The following TBK1 variants were observed in gnomAD, a reference collection of about 807,000 sequenced individuals.
The protein encoded by TBK1 is TANK binding kinase 1.
TBK1 carries 37 observed loss-of-function variants against 99.9 expected under a neutral mutation model. That is an observed-to-expected ratio of 0.37 (90% CI 0.28 to 0.49). The LOEUF (loss-of-function observed/expected upper bound fraction) is 0.49, where lower values mean the gene tolerates loss of function less well. TBK1 is among the 20% of genes least tolerant of loss of function. The probability of loss-of-function intolerance (pLI) is 0.98; values close to 1 mark genes in which losing one functional copy is unlikely to be tolerated. For missense variants in TBK1, 644 were observed against 872.5 expected (o/e 0.74, Z 3.30); for synonymous variants, 258 against 279.8 (o/e 0.92, Z 0.78).
At chr12:64,460,394 T>TA in intron 3 of TBK1, 65 bp downstream of exon 3, 2 of 1,292,804 alleles carry the variant, frequency 1.5e-6, no homozygotes, top group Non-Finnish European at 2.1e-6. Flanking sequence ...AACCTAATAT[T>TA]AAAAAATGGA....
In TBK1 at chr12:64,474,268, T is replaced by G; in HGVS notation, c.579T>G (p.Asp193Glu). 3.1e-6 allele frequency: 5 copies of G among 1,613,972 alleles called. No individual in the cohort carries two copies. Among genetic ancestry groups the G allele is most frequent in the Non-Finnish European group, 3.4e-6 (4 of 1,179,994 alleles). ...DMYERAVLRK[D>E]HQKKYGATVD... ...ATGAGAGAGCAGTGCTAAGAAAAGA[T>G]CATCAGAAGAAATATGGAGCAACAG... The change falls in exon 6 of 21, where the codon GAT becomes GAG. Residue 193 changes from aspartate to glutamate, a missense_variant. Asp to Glu is a conservative substitution (Grantham distance 45). Transcript: ENST00000331710.
chr12:64,498,076 G>A lies in TBK1; in HGVS notation c.2138+37G>A, dbSNP rs752842048. 7 of 1,535,820 alleles carry A rather than the reference G, an allele frequency of 4.6e-6. No homozygotes were observed. In the African/African-American group the frequency reaches 5.5e-5, roughly 12 times the overall value. ...AAAAATAATTACTGTGATTTTCTGT[G>A]CAATTGAGTTCATTCACATCTGTAC... is the stretch of plus-strand genomic sequence containing the variant. On this transcript the variant is annotated intron_variant, in intron 20 of 20. Transcript: ENST00000331710.
intron 1 of TBK1, 145 bp from the exon 2 acceptor site, chr12:64,455,693 CTT>C (rs1284518059): frequency 1.8e-6 from 1 of 551,298 alleles, no homozygotes; most frequent in African/African-American, 1.9e-5. Flanking sequence ...TACTTTGAAA[CTT>C]AAGATATTTA....
intron 8 of TBK1, 190 bp from the exon 9 acceptor site, chr12:64,484,113 A>T (rs145577034): frequency 4.4e-6 from 2 of 458,916 alleles, no homozygotes; most frequent in African/African-American, 4.0e-5. Context: ...AATACTTTAG[A>T]ATTGCTTACT....
chr12:64,461,944 A>G (rs2040552707), intron 3 of TBK1, among the ~76,000 whole-genome samples: 1 of 152,230 alleles, frequency 6.6e-6, no homozygotes, highest in Non-Finnish European at 1.5e-5. Context: ...TGAGGGACAC[A>G]TTACTCTCTC....
chr12:64,470,416 C>T (rs2040650899), intron 5 of TBK1, among the ~76,000 whole-genome samples: 1 of 152,066 alleles, frequency 6.6e-6, no homozygotes, highest in Non-Finnish European at 1.5e-5. Context: ...ATATGTAATA[C>T]TACTTTGAAT....
intron 2 of TBK1, among the ~76,000 whole-genome samples, chr12:64,458,952 A>G (rs1247933859): frequency 6.6e-6 from 1 of 152,150 alleles, no homozygotes; most frequent in Non-Finnish European, 1.5e-5. Flanking sequence ...ATATATATCA[A>G]TTTGTGTATT....
intron 5 of TBK1, among the ~76,000 whole-genome samples, chr12:64,472,822 G>C (rs561714104): frequency 6.6e-6 from 1 of 152,270 alleles, no homozygotes; most frequent in African/African-American, 2.4e-5. Context: ...TTTTAAGAAA[G>C]TTTATGAATT....
intron 7 of TBK1, among the ~76,000 whole-genome samples, chr12:64,481,072 C>CT (rs1565819232): frequency 6.6e-6 from 1 of 152,070 alleles, no homozygotes; most frequent in Non-Finnish European, 1.5e-5. Context: ...AAAATGAAAT[C>CT]GTCATGTAAC....
chr12:64,488,130 A>G (rs903834978), intron 11 of TBK1, among the ~76,000 whole-genome samples: 1 of 152,238 alleles, frequency 6.6e-6, no homozygotes, highest in Non-Finnish European at 1.5e-5. Context: ...GGTTTAAAGT[A>G]TAAATCAGAC....
Position 64,495,711 on chromosome 12 carries a change from A to G in TBK1, c.1656A>G (p.Leu552=), listed in dbSNP as rs1434247802. 9 of 1,610,508 alleles carry G rather than the reference A, an allele frequency of 5.6e-6. No homozygotes were observed. In the Admixed American group the frequency reaches 6.8e-5, roughly 12 times the overall value. The change falls in exon 15 of 21, where the codon CTA becomes CTG. Residue 552 remains leucine (L), a synonymous_variant. Coordinates refer to ENST00000331710, the MANE Select transcript of TBK1 (RefSeq NM_013254.4). The stretch of plus-strand genomic sequence containing the variant: ...CTTCCTTAAATAGTGTAGAAAAACT[A>G]CAAGTCCTGTTAAATTGCATGACAG... ...THPKDRNVEK[L]QVLLNCMTEI...
At chr12:64,463,334 C>T (rs561217916) in intron 3 of TBK1, among the ~76,000 whole-genome samples, 9 of 151,100 alleles carry the variant, frequency 6.0e-5, no homozygotes, top group South Asian at 2.1e-4. Context: ...GAGCCGAGAT[C>T]GCGCCACTGC....
chr12:64,486,680 C>A (rs1265596693), intron 11 of TBK1, among the ~76,000 whole-genome samples: 2 of 151,834 alleles, frequency 1.3e-5, no homozygotes, highest in Admixed American at 6.6e-5. Flanking sequence ...GCAATCAGCC[C>A]GCCTCAGCTG....
At chr12:64,480,601 G>A (rs186269150) in intron 7 of TBK1, among the ~76,000 whole-genome samples, 1 of 152,138 alleles carries the variant, frequency 6.6e-6, no homozygotes, top group South Asian at 2.1e-4. Context: ...CATTTCAAAT[G>A]TTCATTTGGG....
At chr12:64,460,652 G>A (rs920553949) in intron 3 of TBK1, among the ~76,000 whole-genome samples, 3 of 151,882 alleles carry the variant, frequency 2.0e-5, no homozygotes, top group South Asian at 4.1e-4. Context: ...TGGCCAATGT[G>A]GTGAAACCCC....
intron 6 of TBK1, 69 bp downstream of exon 6, chr12:64,474,459 T>C: frequency 2.8e-6 from 4 of 1,442,342 alleles, no homozygotes; most frequent in South Asian, 2.6e-5. Context: ...TTCATCTTAT[T>C]GTTAGTGGTT....
At chr12:64,478,067 C>A (rs2040733232) in intron 6 of TBK1, among the ~76,000 whole-genome samples, 1 of 152,192 alleles carries the variant, frequency 6.6e-6, no homozygotes, top group Non-Finnish European at 1.5e-5. Context: ...TGGATAACAA[C>A]CACTGACAGC....
At chr12:64,472,912 T>A (rs1038377122) in intron 5 of TBK1, among the ~76,000 whole-genome samples, 1 of 152,178 alleles carries the variant, frequency 6.6e-6, no homozygotes, top group Non-Finnish European at 1.5e-5. Flanking sequence ...GTGTAATATG[T>A]CCTATGTGTA....
intron 3 of TBK1, among the ~76,000 whole-genome samples, chr12:64,461,682 A>G (rs950361512): frequency 4.6e-5 from 7 of 152,210 alleles, no homozygotes; most frequent in African/African-American, 1.7e-4. Context: ...GAGTTTGGCA[A>G]ACTGCACAGA....
Sources: gnomAD v4.1 joint callset for allele counts (sites outside exome capture counted in the v4.1 genomes callset) on GRCh38, gnomAD v4.1.1 for gene constraint, MANE v1.5 for transcripts, NCBI Gene and HGNC (gene_info 2026-07-23, HGNC 2026-07-21) for gene names.